The following CADM2 variants were observed in gnomAD, a reference collection of about 807,000 sequenced individuals.
CADM2 encodes immunoglobulin superfamily member 4D.
A neutral mutation model predicts 49.8 loss-of-function variants in CADM2; 12 were observed. That is an observed-to-expected ratio of 0.24 (90% CI 0.15 to 0.39). The LOEUF (loss-of-function observed/expected upper bound fraction) is 0.39, where lower values mean the gene tolerates loss of function less well. Among genes scored for constraint, CADM2 ranks in the 10% least tolerant of loss-of-function variants. The pLI is 1.00. For missense variants in CADM2, 378 were observed against 492.3 expected, an observed-to-expected ratio of 0.77 and a Z score of 2.20; for synonymous variants, 214 against 175.4, an observed-to-expected ratio of 1.22 and a Z score of -1.74.
intron 1 of CADM2, among the ~76,000 whole-genome samples, chr3:85,649,297 CTATA>C (rs142904720): frequency 0.036 from 5,538 of 152,114 alleles, 141 homozygotes; most frequent in Non-Finnish European, 0.059. Context: ...GAGTCAATAA[CTATA>C]TATACTTATT....
intron 1 of CADM2, among the ~76,000 whole-genome samples, chr3:85,022,185 T>C (rs552898583): frequency 6.6e-6 from 1 of 152,254 alleles, no homozygotes; most frequent in South Asian, 2.1e-4. Context: ...TCTTCTAAAT[T>C]TGTTCACAAG....
intron 1 of CADM2, among the ~76,000 whole-genome samples, chr3:85,318,235 T>C (rs1156308407): frequency 6.8e-6 from 1 of 146,086 alleles, no homozygotes; most frequent in African/African-American, 2.5e-5. Context: ...CATTAAAAAA[T>C]AAATGGGGGG....
Position 85,225,708 on chromosome 3 carries a change from G to C in CADM2, c.61+266040G>C, listed in dbSNP as rs186874075. 4.7e-3 allele frequency among the ~76,000 whole-genome samples: 711 copies of C among 152,242 alleles called. 7 individuals carry two copies. The highest frequency in any genetic ancestry group is 0.017 in the African/African-American group (690 of 41,554). On this transcript the variant is annotated intron_variant, in intron 1 of 9. Coordinates refer to ENST00000383699, the MANE Select transcript of CADM2 (RefSeq NM_001167675.2). ...TTCAAAGGGAATGCTTTCAGTTTTTGCCCATTCAGTATGATATTGGCTGTT... is the reference window on the plus strand; with the variant it reads ...TTCAAAGGGAATGCTTTCAGTTTTTCCCCATTCAGTATGATATTGGCTGTT...
intron 1 of CADM2, among the ~76,000 whole-genome samples, chr3:85,215,567 C>T (rs1211526882): frequency 6.6e-6 from 1 of 151,868 alleles, no homozygotes; most frequent in African/African-American, 2.4e-5. Flanking sequence ...CACAAGCACT[C>T]CCTTAACCAC....
At chr3:85,100,021 G>C (rs191118117) in intron 1 of CADM2, among the ~76,000 whole-genome samples, 1 of 152,018 alleles carries the variant, frequency 6.6e-6, no homozygotes, top group East Asian at 1.9e-4. Flanking sequence ...GCTGTAAAGA[G>C]AGCCTGAAGC....
chr3:86,054,591 A>G (rs1051059306), intron 8 of CADM2, among the ~76,000 whole-genome samples: 1 of 152,156 alleles, frequency 6.6e-6, no homozygotes, highest in Non-Finnish European at 1.5e-5. Flanking sequence ...TGTGGAGTCT[A>G]TAAACGATCT....
intron 1 of CADM2, among the ~76,000 whole-genome samples, chr3:85,439,449 G>A (rs963945423): frequency 4.0e-5 from 6 of 151,894 alleles, no homozygotes; most frequent in African/African-American, 7.3e-5. Context: ...CACTGTGCCC[G>A]GCCAATGACT....
At chr3:85,903,692 G>A (rs552668909) in intron 5 of CADM2, among the ~76,000 whole-genome samples, 29 of 152,246 alleles carry the variant, frequency 1.9e-4, no homozygotes, top group Admixed American at 4.6e-4. Context: ...CACAGCCACC[G>A]TGGGAATGAT....
intron 1 of CADM2, among the ~76,000 whole-genome samples, chr3:85,013,134 C>CTTTT (rs2034075641): frequency 8.3e-6 from 1 of 120,978 alleles, no homozygotes. Flanking sequence ...GTAATTTGCA[C>CTTTT]TGGAAATTAA....
chr3:85,583,077 A>G (rs991881137), intron 1 of CADM2, among the ~76,000 whole-genome samples: 2 of 152,134 alleles, frequency 1.3e-5, no homozygotes, highest in Non-Finnish European at 1.5e-5. Context: ...ATTTTTAATT[A>G]TTATTTACTA....
At chr3:84,971,767 C>G (rs1172386023) in intron 1 of CADM2, among the ~76,000 whole-genome samples, 1 of 152,028 alleles carries the variant, frequency 6.6e-6, no homozygotes, top group East Asian at 1.9e-4. Flanking sequence ...ATTAATATTT[C>G]TTATCATTTA....
At chr3:85,299,247 G>GA (rs1212152353) in intron 1 of CADM2, among the ~76,000 whole-genome samples, 1 of 151,824 alleles carries the variant, frequency 6.6e-6, no homozygotes, top group Admixed American at 6.6e-5. Context: ...CCACATTATA[G>GA]ACCCAGTTTT....
At chr3:85,783,682 A>G (rs72908509) in intron 2 of CADM2, among the ~76,000 whole-genome samples, 6,119 of 152,296 alleles carry the variant, frequency 0.04, 392 homozygotes, top group African/African-American at 0.14. Flanking sequence ...AGTAGCTATC[A>G]TGGTATTATA....
At chr3:85,388,052 A>C (rs917395778) in intron 1 of CADM2, among the ~76,000 whole-genome samples, 1 of 152,222 alleles carries the variant, frequency 6.6e-6, no homozygotes, top group Non-Finnish European at 1.5e-5. Flanking sequence ...ATGTTTAGTT[A>C]ACTGGCTCTC....
chr3:85,215,121 G>T (rs2041888242), intron 1 of CADM2, among the ~76,000 whole-genome samples: 1 of 152,020 alleles, frequency 6.6e-6, no homozygotes, highest in Non-Finnish European at 1.5e-5. Flanking sequence ...GGGGAGTAAT[G>T]CCTGGGCAAC....
intron 8 of CADM2, among the ~76,000 whole-genome samples, chr3:85,985,899 TG>T (rs1359711270): frequency 1.3e-5 from 2 of 152,062 alleles, no homozygotes; most frequent in Non-Finnish European, 2.9e-5. Flanking sequence ...ATATTTAATG[TG>T]GACATTTTAA....
At chr3:85,271,721 AT>A (rs571774745) in intron 1 of CADM2, among the ~76,000 whole-genome samples, 352 of 151,252 alleles carry the variant, frequency 2.3e-3, no homozygotes, top group Non-Finnish European at 3.6e-3. Context: ...TTAAAAAAAA[AT>A]AAGTAAAATC....
At chr3:85,248,217 G>T (rs554026911) in intron 1 of CADM2, among the ~76,000 whole-genome samples, 3 of 152,018 alleles carry the variant, frequency 2.0e-5, no homozygotes, top group African/African-American at 7.2e-5. Flanking sequence ...ATTGCTTTTT[G>T]AATTTTCTCT....
chr3:85,181,986 A>G (rs987080341), intron 1 of CADM2, among the ~76,000 whole-genome samples: 1 of 149,722 alleles, frequency 6.7e-6, no homozygotes, highest in Admixed American at 6.7e-5. Flanking sequence ...AATATTTTAT[A>G]TATTAAATCA....
Sources: allele counts gnomAD v4.1 joint callset (sites outside exome capture counted in the v4.1 genomes callset), GRCh38; gene constraint gnomAD v4.1.1; transcripts MANE v1.5; gene names NCBI Gene and HGNC (gene_info 2026-07-23, HGNC 2026-07-21).